Variants in PEAK1 observed in about 807,000 individuals in gnomAD.
PEAK1 encodes the protein pseudopodium enriched atypical kinase 1.
PEAK1 carries 54 observed loss-of-function variants against 124.7 expected under a neutral mutation model. The ratio of observed to expected loss-of-function variants is 0.43; its 90% CI spans 0.35 to 0.54. The LOEUF (loss-of-function observed/expected upper bound fraction) is 0.54. Ranked by LOEUF, PEAK1 falls within the 20% of genes least tolerant of loss-of-function variation. The probability of loss-of-function intolerance (pLI) is 0.01; values close to 1 mark genes in which losing one functional copy is unlikely to be tolerated. For missense variants in PEAK1, 2,046 were observed against 2,134.5 expected (o/e 0.96, Z 0.82); for synonymous variants, 719 against 760.0 (o/e 0.95, Z 0.89).
chr15:77,368,029 C>A (rs944293277), intron 1 of PEAK1, among the ~76,000 whole-genome samples: 6 of 152,100 alleles, frequency 3.9e-5, no homozygotes, highest in Non-Finnish European at 8.8e-5. Flanking sequence ...ACTATAAAAA[C>A]TGTTTGGATT....
chr15:77,387,392 T>C (rs2070044511), intron 1 of PEAK1, among the ~76,000 whole-genome samples: 1 of 152,196 alleles, frequency 6.6e-6, no homozygotes. Flanking sequence ...GTTACAAATA[T>C]TTGTCTTTAT....
intron 2 of PEAK1, among the ~76,000 whole-genome samples, chr15:77,305,929 T>C (rs941942478): frequency 6.6e-6 from 1 of 152,186 alleles, no homozygotes; most frequent in African/African-American, 2.4e-5. Context: ...AATCCACAGA[T>C]ATGAAACCCA....
intron 2 of PEAK1, among the ~76,000 whole-genome samples, chr15:77,309,231 A>T (rs2064285290): frequency 6.6e-6 from 1 of 152,116 alleles, no homozygotes; most frequent in African/African-American, 2.4e-5. Flanking sequence ...ATAAAGGAAA[A>T]GTAAAAAGAG....
At chr15:77,188,586 CTTTTATAG>C (rs961249916) in intron 6 of PEAK1, among the ~76,000 whole-genome samples, 1 of 152,044 alleles carries the variant, frequency 6.6e-6, no homozygotes, top group African/African-American at 2.4e-5. Context: ...ACTCCATAGT[CTTTTATAG>C]TTTTATTTTA....
chr15:77,259,744 A>G (rs944367457), intron 5 of PEAK1, among the ~76,000 whole-genome samples: 1 of 152,170 alleles, frequency 6.6e-6, no homozygotes, highest in Non-Finnish European at 1.5e-5. Flanking sequence ...ATCCCTAAGA[A>G]AACAGAAATA....
At chr15:77,320,675 T>C (rs2065146776) in intron 2 of PEAK1, among the ~76,000 whole-genome samples, 1 of 152,204 alleles carries the variant, frequency 6.6e-6, no homozygotes, top group South Asian at 2.1e-4. Context: ...TTTTTTTTAT[T>C]ATACTTTAAG....
chr15:77,401,156 G>C (rs183297715), intron 1 of PEAK1, among the ~76,000 whole-genome samples: 45 of 152,258 alleles, frequency 3.0e-4, no homozygotes, highest in Non-Finnish European at 5.6e-4. Context: ...CCCACTAGAA[G>C]TAGGCTGGAT....
intron 6 of PEAK1, among the ~76,000 whole-genome samples, chr15:77,216,948 G>C (rs2059174087): frequency 6.6e-6 from 1 of 152,074 alleles, no homozygotes. Flanking sequence ...TAAAGACAAA[G>C]TACAGGCAGG....
chr15:77,146,396 T>C (rs1567027108), intron 8 of PEAK1, among the ~76,000 whole-genome samples: 2 of 152,160 alleles, frequency 1.3e-5, no homozygotes, highest in Non-Finnish European at 2.9e-5. Context: ...TAAACAGATA[T>C]AAAGACCATT....
chr15:77,106,600 G>A (rs1372517119), downstream of PEAK1: 2 of 152,166 alleles, frequency 1.3e-5, no homozygotes, highest in Non-Finnish European at 2.9e-5. Flanking sequence ...TCCTGACCTC[G>A]TGATCCGCCC....
intron 9 of PEAK1, among the ~76,000 whole-genome samples, chr15:77,125,925 C>G (rs1325205603): frequency 1.3e-5 from 2 of 149,646 alleles, no homozygotes; most frequent in African/African-American, 4.9e-5. Context: ...AAGAGCAGTC[C>G]AGAGAGAGGA....
At chr15:77,260,476 A>G (rs2061381313) in intron 5 of PEAK1, among the ~76,000 whole-genome samples, 2 of 152,206 alleles carry the variant, frequency 1.3e-5, no homozygotes, top group South Asian at 4.1e-4. Flanking sequence ...TGGCAGGCAA[A>G]GACATTAAAA....
At chr15:77,126,663 A>G (rs16968680) in intron 9 of PEAK1, among the ~76,000 whole-genome samples, 15,147 of 152,246 alleles carry the variant, frequency 0.099, 830 homozygotes, top group African/African-American at 0.11. Context: ...ATCATCTGAG[A>G]TAAGTAGGGC....
chr15:77,116,012 C>A (rs979924053), intron 9 of PEAK1, among the ~76,000 whole-genome samples: 1 of 152,166 alleles, frequency 6.6e-6, no homozygotes, highest in Non-Finnish European at 1.5e-5. Context: ...TTTCTCTTAA[C>A]AGGCCTCATT....
chr15:77,361,937 T>C (rs963707973), intron 2 of PEAK1, among the ~76,000 whole-genome samples: 1 of 151,614 alleles, frequency 6.6e-6, no homozygotes, highest in Non-Finnish European at 1.5e-5. Context: ...TGCAGCAACA[T>C]GGATGAGACT....
chr15:77,219,744 G>A lies in PEAK1; in HGVS notation c.-115+32623C>T, dbSNP rs184100623. 1.2e-3 allele frequency among the ~76,000 whole-genome samples: 180 copies of A among 152,062 alleles called. 1 individual carries two copies. The highest frequency in any genetic ancestry group is 4.0e-3 in the African/African-American group (167 of 41,494). Reference sequence around the variant, plus strand: ...ATACTACAAGCAAAAATGACTTTCTGGCTACCATTACTGCAAAGAACAAAA... The same window carrying A: ...ATACTACAAGCAAAAATGACTTTCTAGCTACCATTACTGCAAAGAACAAAA... On this transcript the variant is annotated intron_variant, in intron 6 of 9. Transcript: ENST00000682557.
chr15:77,133,368 T>A lies in PEAK1; in HGVS notation c.3714A>T (p.Leu1238Phe), dbSNP rs184935666. The change falls in exon 9 of 10, where the codon TTA (leucine) becomes TTT (phenylalanine). Residue 1238 changes from leucine to phenylalanine, a missense_variant. Coordinates refer to ENST00000682557, the MANE Select transcript of PEAK1 (RefSeq NM_001385026.1). This position sits in a 1 kb window ranked among gnomAD's most constrained non-coding sequence, Gnocchi z 4.2. ...ATCTATCCTTAATACTGAGAGTGGT[T>A]AAGCTGGAAATGCTGTTTGCTGCTG... ...VPSAANSISS[L>F]TTLSIKDRFS... The A allele has an allele frequency of 6.2e-7, 1 of 1,614,218 alleles. No homozygotes were observed. Among genetic ancestry groups the A allele is most frequent in the Non-Finnish European group, 8.5e-7 (1 of 1,180,026 alleles).
chr15:77,227,072 T>C (rs1171620828), intron 6 of PEAK1, among the ~76,000 whole-genome samples: 3 of 152,192 alleles, frequency 2.0e-5, no homozygotes, highest in African/African-American at 7.2e-5. Flanking sequence ...TGCATTCCCA[T>C]AGATCCTAAG....
intron 2 of PEAK1, chr15:77,346,627 G>A: frequency 1.0e-6 from 1 of 985,308 alleles, no homozygotes. Flanking sequence ...AGACAAAACA[G>A]CGAAGAAACA....
Sources: gnomAD v4.1 joint callset for allele counts (sites outside exome capture counted in the v4.1 genomes callset) on GRCh38, gnomAD v4.1.1 for gene constraint, Gnocchi (gnomAD v3.1) non-coding constraint, MANE v1.5 for transcripts, NCBI Gene and HGNC (gene_info 2026-07-23, HGNC 2026-07-21) for gene names.